TMEM223: variants seen among roughly 807,000 people sequenced by gnomAD.
TMEM223 encodes the protein transmembrane protein 223.
TMEM223 carries 14 observed loss-of-function variants against 14.1 expected under a neutral mutation model. That is an observed-to-expected ratio of 0.99 (90% CI 0.66 to 1.55). The LOEUF is 1.55. TMEM223 is among the 40% of genes most tolerant of loss of function. The pLI is 0.00. For synonymous variants in TMEM223, 145 were observed against 120.5 expected (o/e 1.20, Z -1.33); for missense variants, 346 against 269.9 (o/e 1.28, Z -1.97).
intron 2 of TMEM223, chr11:62,774,566 A>G (rs754322724): frequency 2.0e-5 from 9 of 454,482 alleles, no homozygotes; most frequent in South Asian, 1.2e-4. Context: ...TGAGGTGTGG[A>G]TGCATCACTT....
intron 1 of TMEM223, chr11:62,782,430 G>T: frequency 7.5e-7 from 1 of 1,330,274 alleles, no homozygotes. Flanking sequence ...GAGAGTCTAT[G>T]AGAAGATGGG....
At chr11:62,785,558 G>A (rs1174423842), downstream of TMEM223, among the ~76,000 whole-genome samples, 2 of 140,092 alleles carry the variant, frequency 1.4e-5, no homozygotes, top group African/African-American at 2.7e-5. Flanking sequence ...TTTTTGAGAC[G>A]GAGTCTCACT....
downstream of TMEM223, chr11:62,787,611 TTGC>T: frequency 1.4e-6 from 2 of 1,427,300 alleles, no homozygotes; most frequent in Non-Finnish European, 1.8e-6. Flanking sequence ...CCGACCGGGC[TTGC>T]TGCTGCTCGG....
chr11:62,778,386 G>A (rs781323529), intron 1 of TMEM223: 3 of 1,598,044 alleles, frequency 1.9e-6, no homozygotes, highest in African/African-American at 1.3e-5. Context: ...TCTCCCTTAG[G>A]TTCTGAGGGT....
At chr11:62,788,016 G>A (rs2084308952), downstream of TMEM223, 2 of 459,396 alleles carry the variant, frequency 4.4e-6, no homozygotes, top group Non-Finnish European at 8.7e-6. Context: ...AATTTACATC[G>A]TTTACCCCAG....
chr11:62,783,006 A>C (rs1190824387), downstream of TMEM223, among the ~76,000 whole-genome samples: 2 of 152,164 alleles, frequency 1.3e-5, no homozygotes, highest in South Asian at 4.1e-4. Context: ...ATCCTTTCGA[A>C]AGTCCTATAT....
intron 2 of TMEM223, among the ~76,000 whole-genome samples, chr11:62,772,806 A>C (rs75281894): frequency 8.9e-6 from 1 of 112,940 alleles, no homozygotes; most frequent in Non-Finnish European, 1.7e-5. Flanking sequence ...CATCATCTCC[A>C]AAAAAAAAAA....
At chr11:62,775,945 C>T (rs777509404) in intron 1 of TMEM223, 9 of 1,582,338 alleles carry the variant, frequency 5.7e-6, no homozygotes, top group Non-Finnish European at 7.7e-6. Flanking sequence ...ACTCCCCTCA[C>T]CCCCTGATAC....
chr11:62,789,932 T>C (rs1291597794), downstream of TMEM223: 1 of 1,613,980 alleles, frequency 6.2e-7, no homozygotes. Flanking sequence ...GTCTTGGTGC[T>C]CCAGGTCGTG....
intron 1 of TMEM223, among the ~76,000 whole-genome samples, chr11:62,791,402 C>T (rs566401675): frequency 6.6e-6 from 1 of 152,274 alleles, no homozygotes; most frequent in Admixed American, 6.5e-5. Flanking sequence ...GGACTACAGG[C>T]GCTTGCTACC....
chr11:62,783,248 T>C (rs910036956), downstream of TMEM223, among the ~76,000 whole-genome samples: 3 of 152,110 alleles, frequency 2.0e-5, no homozygotes, highest in Non-Finnish European at 4.4e-5. Context: ...TTTGGGAGGC[T>C]GAGGTGGGCG....
chr11:62,778,452 G>T, intron 1 of TMEM223: 1 of 1,296,084 alleles, frequency 7.7e-7, no homozygotes, highest in Non-Finnish European at 1.1e-6. Context: ...TGCCTGCCTT[G>T]TGCCATGGTC....
exon 2 of TMEM223, chr11:62,774,638 T>C (rs2084172135): frequency 2.2e-6 from 1 of 455,050 alleles, no homozygotes. Context: ...CAGCTGCTGT[T>C]TTTGTCGGTT....
At chr11:62,783,221 G>A (rs1368193402), downstream of TMEM223, among the ~76,000 whole-genome samples, 1 of 152,186 alleles carries the variant, frequency 6.6e-6, no homozygotes, top group Admixed American at 6.5e-5. Flanking sequence ...AGTGGCTCAC[G>A]CCTGTAATCC....
Position 62,790,081 on chromosome 11 carries a change from T to G in TMEM223, c.*542A>C. On this transcript the variant is annotated 3_prime_UTR_variant, in exon 2 of 2. Transcript: ENST00000307366. Reference sequence around the variant, plus strand: ...CGGAGTGCTTCCTGCAGCCGAAGACTCCATGCCCAAGTGCCTGTAATCCCC... The same window carrying G: ...CGGAGTGCTTCCTGCAGCCGAAGACGCCATGCCCAAGTGCCTGTAATCCCC... The G allele has an allele frequency of 6.4e-7, 1 of 1,557,600 alleles. No homozygotes were observed. Among genetic ancestry groups the G allele is most frequent in the Non-Finnish European group, 8.7e-7 (1 of 1,151,044 alleles).
chr11:62,775,686 A>C, intron 1 of TMEM223: 1 of 1,434,178 alleles, frequency 7.0e-7, no homozygotes, highest in Non-Finnish European at 9.3e-7. Flanking sequence ...ACGAGCAGCA[A>C]GGCTGGTGTG....
In TMEM223 at chr11:62,790,648, G is replaced by A; in HGVS notation, c.584C>T (p.Thr195Ile). ...HFPNTKLFDN[T>I]VGAYRSL ...TCACAAGCTCCGGTAGGCACCCACA[G>A]TATTGTCAAAGAGTTTTGTGTTAGG... The change falls in exon 2 of 2, where the codon ACT becomes ATT. Residue 195 changes from threonine to isoleucine, a missense_variant. Coordinates refer to ENST00000307366, the MANE Select transcript of TMEM223 (RefSeq NM_001080501.3). 1.2e-6 allele frequency: 2 copies of A among 1,611,254 alleles called. No individual in the cohort carries two copies. The highest frequency in any genetic ancestry group is 1.7e-6 in the Non-Finnish European group (2 of 1,178,174).
chr11:62,781,980 G>C (rs2084233292), intron 1 of TMEM223: 1 of 1,613,626 alleles, frequency 6.2e-7, no homozygotes, highest in Non-Finnish European at 8.5e-7. Flanking sequence ...TAAGTGACCA[G>C]GCTGGGACAG....
At chr11:62,785,590 G>A (rs529797340), downstream of TMEM223, among the ~76,000 whole-genome samples, 7 of 147,168 alleles carry the variant, frequency 4.8e-5, no homozygotes, top group South Asian at 2.2e-4. Flanking sequence ...GGTGGAGTGC[G>A]GTGGTGTGAT....
Sources: gnomAD v4.1 joint callset for allele counts (sites outside exome capture counted in the v4.1 genomes callset) on GRCh38, gnomAD v4.1.1 for gene constraint, MANE v1.5 for transcripts, NCBI Gene and HGNC (gene_info 2026-07-23, HGNC 2026-07-21) for gene names.